Variants in MGAT4C observed in about 807,000 individuals in gnomAD.
The protein encoded by MGAT4C is alpha-1,3-mannosyl-glycoprotein 4-beta-N-acetylglucosaminyltransferase C.
Under a neutral mutation model 40.1 loss-of-function variants are expected in MGAT4C, and 19 were observed. The ratio of observed to expected loss-of-function variants is 0.47; its 90% CI spans 0.33 to 0.70. The LOEUF (loss-of-function observed/expected upper bound fraction) is 0.70. MGAT4C is among the 30% of genes least tolerant of loss of function. The pLI, the probability that MGAT4C is intolerant of heterozygous loss-of-function variation, is 0.02. For missense variants in MGAT4C, 491 were observed against 563.2 expected, an observed-to-expected ratio of 0.87 and a Z score of 1.30; for synonymous variants, 181 against 187.1, an observed-to-expected ratio of 0.97 and a Z score of 0.27.
intron 2 of MGAT4C, among the ~76,000 whole-genome samples, chr12:86,007,647 C>A (rs936387123): frequency 2.0e-5 from 3 of 151,458 alleles, no homozygotes; most frequent in African/African-American, 4.8e-5. Context: ...ACAATAAAAA[C>A]AAAAAACTAA....
At chr12:86,138,436 C>A (rs1455549630) in intron 1 of MGAT4C, among the ~76,000 whole-genome samples, 1 of 148,476 alleles carries the variant, frequency 6.7e-6, no homozygotes, top group Non-Finnish European at 1.5e-5. Context: ...TCTAGCTCAA[C>A]AAACATTGTA....
At chr12:86,701,948 A>T (rs1216373131) in intron 2 of MGAT4C, among the ~76,000 whole-genome samples, 2 of 152,198 alleles carry the variant, frequency 1.3e-5, no homozygotes, top group African/African-American at 4.8e-5. Flanking sequence ...AAGTGGAATC[A>T]GCAAGTTCTG....
At chr12:86,057,493 CA>C (rs1457721908) in intron 1 of MGAT4C, among the ~76,000 whole-genome samples, 1 of 152,170 alleles carries the variant, frequency 6.6e-6, no homozygotes, top group African/African-American at 2.4e-5. Flanking sequence ...TGCTATTTTC[CA>C]AACACATTTC....
chr12:86,442,845 A>T (rs1592853354), intron 2 of MGAT4C, among the ~76,000 whole-genome samples: 1 of 151,846 alleles, frequency 6.6e-6, no homozygotes, highest in African/African-American at 2.4e-5. Context: ...TGCCATGGTC[A>T]CCCCAATCTT....
chr12:86,121,972 C>T (rs140825345), intron 1 of MGAT4C, among the ~76,000 whole-genome samples: 566 of 152,172 alleles, frequency 3.7e-3, no homozygotes, highest in African/African-American at 0.013. Flanking sequence ...GAATAATGAA[C>T]GTGAAACATT....
chr12:86,190,697 TC>T (rs2135898954), intron 1 of MGAT4C, among the ~76,000 whole-genome samples: 2 of 152,238 alleles, frequency 1.3e-5, no homozygotes, highest in East Asian at 3.9e-4. Context: ...ATATTACACA[TC>T]AATTTGGCTA....
intron 1 of MGAT4C, among the ~76,000 whole-genome samples, chr12:86,729,362 T>A (rs1425339927): frequency 2.6e-5 from 4 of 151,894 alleles, no homozygotes; most frequent in Non-Finnish European, 5.9e-5. Flanking sequence ...CACAAAAATT[T>A]AAAAAAATAA....
Position 86,476,810 on chromosome 12 carries a change from A to C in MGAT4C, c.-228-41545T>G, listed in dbSNP as rs554271565. Among the ~76,000 whole-genome samples the C allele has an allele frequency of 1.6e-3, 243 of 152,296 alleles. 1 individual carries two copies. Among genetic ancestry groups the C allele is most frequent in the Non-Finnish European group, 1.7e-3 (117 of 68,016 alleles). ...GATGGAACTGGAGGACACTGTCCTA[A>C]GCAAATTAATGCAGGAACAAGAAAG... On this transcript the variant is annotated intron_variant, in intron 2 of 7. Coordinates refer to the MGAT4C transcript ENST00000548651.
intron 3 of MGAT4C, among the ~76,000 whole-genome samples, chr12:86,344,764 G>GTA (rs1954990324): frequency 6.6e-6 from 1 of 150,764 alleles, no homozygotes; most frequent in African/African-American, 2.5e-5. Flanking sequence ...GTATGTGTGT[G>GTA]TGTGTGTGTG....
chr12:86,637,295 A>G (rs773637210), intron 2 of MGAT4C, among the ~76,000 whole-genome samples: 3 of 151,974 alleles, frequency 2.0e-5, no homozygotes, highest in Non-Finnish European at 2.9e-5. Context: ...TTCATTTTAT[A>G]TATTCAGGTA....
intron 2 of MGAT4C, among the ~76,000 whole-genome samples, chr12:86,585,517 A>C (rs1960980164): frequency 6.6e-6 from 1 of 151,412 alleles, no homozygotes; most frequent in Non-Finnish European, 1.5e-5. Context: ...TGCTATTTGC[A>C]ATGGGAAAAT....
chr12:86,589,348 A>C (rs2136445996), intron 2 of MGAT4C, among the ~76,000 whole-genome samples: 1 of 152,168 alleles, frequency 6.6e-6, no homozygotes, highest in South Asian at 2.1e-4. Context: ...CCAAGACTAA[A>C]CCAGGAAGAA....
chr12:86,612,818 T>A (rs959163672), intron 2 of MGAT4C, among the ~76,000 whole-genome samples: 7 of 152,036 alleles, frequency 4.6e-5, no homozygotes, highest in African/African-American at 1.7e-4. Flanking sequence ...AAAGAAAACT[T>A]TCATTGTAAA....
chr12:86,198,160 G>A (rs1379504676), intron 1 of MGAT4C, among the ~76,000 whole-genome samples: 1 of 152,106 alleles, frequency 6.6e-6, no homozygotes, highest in Non-Finnish European at 1.5e-5. Flanking sequence ...TCTCAAAAAT[G>A]TTGTCACTAT....
chr12:86,030,962 T>C (rs1890707269), intron 2 of MGAT4C, among the ~76,000 whole-genome samples: 1 of 151,834 alleles, frequency 6.6e-6, no homozygotes, highest in Admixed American at 6.6e-5. Context: ...TAGTGTTTCA[T>C]GTAACCATTA....
At chr12:86,482,174 C>G (rs562553908) in intron 2 of MGAT4C, among the ~76,000 whole-genome samples, 1 of 151,368 alleles carries the variant, frequency 6.6e-6, no homozygotes, top group East Asian at 1.9e-4. Flanking sequence ...TATTCTTAGA[C>G]CATTTTCAAA....
rs1364979361 is a variant in MGAT4C at position 86,161,471 on chromosome 12, TG to T, written c.-57+94767del. 2.6e-5 allele frequency among the ~76,000 whole-genome samples: 4 copies of T among 152,286 alleles called. No homozygotes were observed. The East Asian group carries it at 7.7e-4, about 29-fold the overall frequency. On this transcript the variant is annotated intron_variant, in intron 1 of 4. Coordinates refer to ENST00000611864, the MANE Select transcript of MGAT4C (RefSeq NM_001351288.2). ...CTAGCCATATGCAGAAGATTGAAGC[TG>T]GACCCTACCTTTCACCATATACAAA... is the stretch of plus-strand genomic sequence containing the variant.
chr12:86,678,683 G>T (rs1029908827), intron 2 of MGAT4C, among the ~76,000 whole-genome samples: 86 of 149,296 alleles, frequency 5.8e-4, no homozygotes, highest in African/African-American at 2.0e-3. Flanking sequence ...TGTGGTGTTT[G>T]GTTTTTTGTT....
chr12:86,066,452 C>T (rs909128031), intron 1 of MGAT4C, among the ~76,000 whole-genome samples: 36 of 151,676 alleles, frequency 2.4e-4, no homozygotes, highest in Middle Eastern at 3.2e-3. Context: ...AAAAAAAAGG[C>T]AATGGGGAAA....
Sources: allele counts gnomAD v4.1 joint callset (sites outside exome capture counted in the v4.1 genomes callset), GRCh38; gene constraint gnomAD v4.1.1; transcripts MANE v1.5; gene names NCBI Gene and HGNC (gene_info 2026-07-23, HGNC 2026-07-21).